The following TYR variants were observed in gnomAD, a reference collection of about 807,000 sequenced individuals.
The protein encoded by TYR is tyrosinase, also known as LB24-AB.
TYR carries 58 observed loss-of-function variants against 51.5 expected under a neutral mutation model. The observed-to-expected ratio is 1.13, with a 90% confidence interval of 0.91 to 1.40. The LOEUF (loss-of-function observed/expected upper bound fraction) is 1.40, where lower values mean the gene tolerates loss of function less well. TYR is among the 40% of genes most tolerant of loss of function. TYR has a pLI of 0.00. For synonymous variants in TYR, 263 were observed against 235.2 expected (o/e 1.12, Z -1.08); for missense variants, 732 against 647.4 (o/e 1.13, Z -1.42).
chr11:89,215,544 T>G (rs939034943), intron 2 of TYR, among the ~76,000 whole-genome samples: 1 of 136,240 alleles, frequency 7.3e-6, no homozygotes, highest in Non-Finnish European at 1.5e-5. Context: ...AAAATAAAAA[T>G]TATTGCTTTG....
At chr11:89,196,395 A>G (rs942534548) in intron 2 of TYR, among the ~76,000 whole-genome samples, 3 of 152,170 alleles carry the variant, frequency 2.0e-5, no homozygotes, top group African/African-American at 7.2e-5. Context: ...CAGCAGGAAC[A>G]AAGGTATCTT....
At chr11:89,216,647 CAA>C (rs11411684) in intron 2 of TYR, among the ~76,000 whole-genome samples, 47 of 80,790 alleles carry the variant, frequency 5.8e-4, no homozygotes, top group East Asian at 8.1e-4. Context: ...TTTTCCATCT[CAA>C]AAAAAAAAAA....
rs1171626324 is a variant in TYR, at chr11:89,178,711, G to C, written c.758G>C (p.Gly253Ala). Residue 253 changes from glycine (G) to alanine (A), a missense_variant, in exon 1 of 5, where the codon GGA (glycine) becomes GCA (alanine). Transcript: ENST00000263321. The part of the protein sequence containing the change: ...KCDICTDEYM[G>A]GQHPTNPNLL... Reference sequence around the variant, plus strand: ...GACATTTGCACAGATGAGTACATGGGAGGTCAGCACCCCACAAATCCTAAC... The same window carrying C: ...GACATTTGCACAGATGAGTACATGGCAGGTCAGCACCCCACAAATCCTAAC... 3 of 1,613,960 alleles carry C rather than the reference G, an allele frequency of 1.9e-6. No individual in the cohort carries two copies. The highest frequency in any genetic ancestry group is 1.1e-5 in the South Asian group (1 of 91,080).
chr11:89,220,850 C>A (rs893957177), intron 2 of TYR, among the ~76,000 whole-genome samples: 2 of 152,158 alleles, frequency 1.3e-5, no homozygotes, highest in African/African-American at 4.8e-5. Context: ...TGCAGCCTAG[C>A]ACCTACCACA....
chr11:89,271,662 A>G (rs142481615), intron 3 of TYR, among the ~76,000 whole-genome samples: 4,819 of 151,904 alleles, frequency 0.032, 271 homozygotes, highest in African/African-American at 0.11. Context: ...TGCTACATTG[A>G]TTGACTCTTC....
chr11:89,195,529 A>AT (rs1943506296), intron 2 of TYR, among the ~76,000 whole-genome samples: 1 of 152,074 alleles, frequency 6.6e-6, no homozygotes, highest in Non-Finnish European at 1.5e-5. Context: ...AAATACAAAA[A>AT]TTAGCCAGGC....
At chr11:89,236,370 G>T (rs936592379) in intron 3 of TYR, among the ~76,000 whole-genome samples, 4 of 152,060 alleles carry the variant, frequency 2.6e-5, no homozygotes, top group African/African-American at 9.7e-5. Flanking sequence ...TCATTCTGTA[G>T]ATATATAGCT....
intron 2 of TYR, among the ~76,000 whole-genome samples, chr11:89,200,966 T>C (rs1213458015): frequency 1.3e-5 from 2 of 152,202 alleles, no homozygotes; most frequent in Non-Finnish European, 2.9e-5. Flanking sequence ...TTGATCTGTC[T>C]AGCATCATGA....
chr11:89,182,059 C>T (rs987304703), intron 1 of TYR, among the ~76,000 whole-genome samples: 1 of 152,126 alleles, frequency 6.6e-6, no homozygotes, highest in African/African-American at 2.4e-5. Context: ...ACCCTCTCCC[C>T]GTCTTTGTGC....
intron 3 of TYR, among the ~76,000 whole-genome samples, chr11:89,257,245 C>G (rs1358994951): frequency 6.6e-6 from 1 of 151,972 alleles, no homozygotes; most frequent in African/African-American, 2.4e-5. Context: ...GAAACAATAG[C>G]TTAAAAACTG....
At chr11:89,179,158 T>A (rs1182834376) in intron 1 of TYR, among the ~76,000 whole-genome samples, 1 of 152,172 alleles carries the variant, frequency 6.6e-6, no homozygotes, top group Non-Finnish European at 1.5e-5. Context: ...CTAATGTCTC[T>A]GAAAAATAAA....
chr11:89,184,413 A>G (rs1943341480), intron 1 of TYR, among the ~76,000 whole-genome samples: 1 of 152,154 alleles, frequency 6.6e-6, no homozygotes, highest in Non-Finnish European at 1.5e-5. Flanking sequence ...CCAACATATT[A>G]CATTCAATGT....
chr11:89,246,349 A>C (rs752029057), intron 3 of TYR, among the ~76,000 whole-genome samples: 2 of 152,184 alleles, frequency 1.3e-5, no homozygotes, highest in South Asian at 2.1e-4. Context: ...GGCAGTAATA[A>C]TACTACTTTC....
chr11:89,185,608 G>C (rs1439042023), intron 1 of TYR, among the ~76,000 whole-genome samples: 2 of 152,168 alleles, frequency 1.3e-5, no homozygotes. Context: ...GTAAGTGTAA[G>C]TTGGGTAAAG....
intron 2 of TYR, among the ~76,000 whole-genome samples, chr11:89,209,126 A>C (rs1365466671): frequency 1.3e-5 from 2 of 152,246 alleles, no homozygotes; most frequent in Non-Finnish European, 2.9e-5. Context: ...GAACCAAAGC[A>C]GGATGGGGGG....
intron 4 of TYR, among the ~76,000 whole-genome samples, chr11:89,288,481 T>A (rs1371847593): frequency 6.6e-6 from 1 of 151,992 alleles, no homozygotes; most frequent in African/African-American, 2.4e-5. Flanking sequence ...CAAAATTTCC[T>A]GGATGAGCCA....
chr11:89,282,931 T>C (rs1944736562), intron 3 of TYR, among the ~76,000 whole-genome samples: 2 of 151,808 alleles, frequency 1.3e-5, no homozygotes, highest in Admixed American at 6.6e-5. Flanking sequence ...ATAGCTTTTA[T>C]GTACCACTTA....
At chr11:89,251,731 A>T (rs1337145569) in intron 3 of TYR, among the ~76,000 whole-genome samples, 1 of 151,870 alleles carries the variant, frequency 6.6e-6, no homozygotes, top group African/African-American at 2.4e-5. Flanking sequence ...AAGCTTCAAG[A>T]TTCACATGAT....
At chr11:89,285,077 T>G in intron 4 of TYR, 123 bp downstream of exon 4, 1 of 791,476 alleles carries the variant, frequency 1.3e-6, no homozygotes. Flanking sequence ...GAAAGTGCAT[T>G]ATAATCCTTA....
Sources: allele counts gnomAD v4.1 joint callset (sites outside exome capture counted in the v4.1 genomes callset), GRCh38; gene constraint gnomAD v4.1.1; transcripts MANE v1.5; gene names NCBI Gene and HGNC (gene_info 2026-07-23, HGNC 2026-07-21).